Variants in MAML1 observed in about 807,000 individuals in gnomAD.
MAML1 encodes the protein mastermind like transcriptional coactivator 1, also known as mastermind-like protein 1.
A neutral mutation model predicts 77.1 loss-of-function variants in MAML1; 14 were observed. The ratio of observed to expected loss-of-function variants is 0.18; its 90% CI spans 0.12 to 0.28. The LOEUF (loss-of-function observed/expected upper bound fraction) is 0.28, where lower values mean the gene tolerates loss of function less well. Among genes scored for constraint, MAML1 ranks in the 10% least tolerant of loss-of-function variants. MAML1 has a pLI of 1.00. For synonymous variants in MAML1, 516 were observed against 551.9 expected (o/e 0.93, Z 0.91); for missense variants, 1,217 against 1,327.8 (o/e 0.92, Z 1.30).
chr5:179,733,394 C>A lies in MAML1; in HGVS notation c.282C>A (p.Ala94=). 8.5e-7 allele frequency: 1 copy of A among 1,171,860 alleles called. No homozygotes were observed. The allele number at this position is 1,171,860 out of a possible 1,614,324, so 72.6% of individuals were successfully genotyped here. A position where few individuals can be genotyped will look rare whatever the true frequency, so the allele number is the denominator to read the frequency against. The change falls in exon 1 of 5, where the codon GCC becomes GCA. Residue 94 remains alanine, a synonymous_variant. Transcript: ENST00000292599. Reference sequence around the variant, plus strand: ...CCGCCCCGGCCCCGCGCCTGGACGCCGCTGACGGCCCCGAGCACGGCCGCC... The same window carrying A: ...CCGCCCCGGCCCCGCGCCTGGACGCAGCTGACGGCCCCGAGCACGGCCGCC... ...APAAPAPRLD[A]ADGPEHGRPA...
At chr5:179,733,455 C>CGTGG in intron 1 of MAML1, 28 bp downstream of exon 1, 1 of 1,088,970 alleles carries the variant, frequency 9.2e-7, no homozygotes, top group Non-Finnish European at 1.1e-6. Flanking sequence ...AGGCGCTTGT[C>CGTGG]GTGGCGGCAG....
chr5:179,737,681 C>A (rs934576830), intron 1 of MAML1, among the ~76,000 whole-genome samples: 1 of 133,080 alleles, frequency 7.5e-6, no homozygotes, highest in African/African-American at 2.6e-5. Context: ...TTATTGTTTT[C>A]TTAGGATATC....
intron 1 of MAML1, among the ~76,000 whole-genome samples, chr5:179,743,363 G>A (rs1333461204): frequency 1.9e-5 from 2 of 106,644 alleles, no homozygotes; most frequent in Admixed American, 1.0e-4. Context: ...CCTGCCCCAC[G>A]CTTTTTTTTT....
Position 179,776,309 on chromosome 5 carries a change from ATG to A in MAML1, c.*1435_*1436del, listed in dbSNP as rs1029867740. On this transcript the variant is annotated 3_prime_UTR_variant, in exon 5 of 5. Coordinates refer to ENST00000292599, the MANE Select transcript of MAML1 (RefSeq NM_014757.5). ...CCAATGGATCATTCAGGAGTGTCCTATGTGAGAATTGAGCCAAGGAAAATACT... is the reference window on the plus strand; with the variant it reads ...CCAATGGATCATTCAGGAGTGTCCTATGAGAATTGAGCCAAGGAAAATACT... 3.0e-6 allele frequency: 3 copies of A among 985,748 alleles called. No individual in the cohort carries two copies. The highest frequency in any genetic ancestry group is 3.6e-6 in the Non-Finnish European group (3 of 829,948). The allele number at this position is 985,748 out of a possible 1,614,324, so 61.1% of individuals were successfully genotyped here.
chr5:179,749,549 C>G (rs1779446772), intron 1 of MAML1, among the ~76,000 whole-genome samples: 1 of 152,200 alleles, frequency 6.6e-6, no homozygotes. Flanking sequence ...GCCTGAGCCA[C>G]TGTGCCTGGC....
At position 179,774,776 on chromosome 5, in the gene MAML1, T is replaced by C. The variant is rs748883967; in HGVS notation, c.2950T>C (p.Ser984Pro). 5 of 1,613,630 alleles carry C rather than the reference T, an allele frequency of 3.1e-6. No individual in the cohort carries two copies. The African/African-American group carries it at 4.0e-5, about 13-fold the overall frequency. Residue 984 changes from serine (S) to proline (P), a missense_variant, in exon 5 of 5, where the codon TCT (serine) becomes CCT (proline). Physicochemically the swap from Ser to Pro is moderately conservative, Grantham distance 74 (BLOSUM62 -1). Coordinates refer to ENST00000292599, the MANE Select transcript of MAML1 (RefSeq NM_014757.5). ...CGGGCAGCCAGGTGGCAGTGGGCTC[T>C]CTAGTGTGGCTGGACACACCGATCT... ...YSGQPGGSGL[S>P]SVAGHTDLID...
At chr5:179,765,296 T>A in intron 1 of MAML1, 30 bp from the exon 2 acceptor site, 1 of 1,548,680 alleles carries the variant, frequency 6.5e-7, no homozygotes, top group Non-Finnish European at 8.7e-7. Flanking sequence ...TTCATATGTA[T>A]CTTAAGTCAT....
chr5:179,733,112 C>G lies in MAML1; in HGVS notation c.-1C>G. On this transcript the variant is annotated 5_prime_UTR_variant, in exon 1 of 5. Transcript: ENST00000292599. ...GGCCCGGCCCGTGCAGCCCGCGGCC[C>G]ATGGTGCTGCCCACCTGCCCCATGG... 2 of 1,407,214 alleles carry G rather than the reference C, an allele frequency of 1.4e-6. No homozygotes were observed. Among genetic ancestry groups the G allele is most frequent in the Non-Finnish European group, 1.8e-6 (2 of 1,082,232 alleles). The allele number at this position is 1,407,214 out of a possible 1,614,324, so 87.2% of individuals were successfully genotyped here.
At chr5:179,747,170 T>G (rs1779398208) in intron 1 of MAML1, among the ~76,000 whole-genome samples, 3 of 152,200 alleles carry the variant, frequency 2.0e-5, no homozygotes, top group Non-Finnish European at 2.9e-5. Flanking sequence ...ACACTTTTAA[T>G]TAGTGTGTTT....
intron 1 of MAML1, among the ~76,000 whole-genome samples, chr5:179,736,804 A>G (rs1779179108): frequency 6.6e-6 from 1 of 151,844 alleles, no homozygotes; most frequent in African/African-American, 2.4e-5. Context: ...TCTACTAAAA[A>G]TACAAAAATT....
At chr5:179,742,875 A>G (rs1412213919) in intron 1 of MAML1, among the ~76,000 whole-genome samples, 3 of 152,154 alleles carry the variant, frequency 2.0e-5, no homozygotes, top group African/African-American at 7.2e-5. Context: ...AGCTCTTATC[A>G]GGTGGTATTT....
chr5:179,744,224 G>C (rs1444722139), intron 1 of MAML1, among the ~76,000 whole-genome samples: 1 of 151,984 alleles, frequency 6.6e-6, no homozygotes, highest in African/African-American at 2.4e-5. Flanking sequence ...TTGCTCTGTT[G>C]CCCAGGCTGG....
At position 179,776,173 on chromosome 5, in the gene MAML1, G is replaced by A. The variant is rs1184272033; in HGVS notation, c.*1296G>A. 1.0e-6 allele frequency: 1 copy of A among 985,816 alleles called. No homozygotes were observed. Among genetic ancestry groups the A allele is most frequent in the Non-Finnish European group, 1.2e-6 (1 of 829,958 alleles). 61.1% of individuals were successfully genotyped at this position (985,816 alleles called of 1,614,324 possible). A position where few individuals can be genotyped will look rare whatever the true frequency, so the allele number is the denominator to read the frequency against. On this transcript the variant is annotated 3_prime_UTR_variant, in exon 5 of 5. Coordinates refer to ENST00000292599, the MANE Select transcript of MAML1 (RefSeq NM_014757.5). ...GAAAGCAAAGTGGTAAGCACAGGGTGAGACCCTTTTACACAGAATGGTGGA... is the reference window on the plus strand; with the variant it reads ...GAAAGCAAAGTGGTAAGCACAGGGTAAGACCCTTTTACACAGAATGGTGGA...
chr5:179,763,478 CTTAG>C (rs1266057263), intron 1 of MAML1, among the ~76,000 whole-genome samples: 1 of 150,128 alleles, frequency 6.7e-6, no homozygotes, highest in Non-Finnish European at 1.5e-5. Context: ...TTCAGACCGA[CTTAG>C]TTACCCATAT....
intron 1 of MAML1, among the ~76,000 whole-genome samples, chr5:179,736,330 G>A (rs1779170786): frequency 6.6e-6 from 1 of 151,938 alleles, no homozygotes; most frequent in Non-Finnish European, 1.5e-5. Context: ...TTGGCTCACT[G>A]CAACCTCCGC....
intron 1 of MAML1, among the ~76,000 whole-genome samples, chr5:179,739,554 T>C (rs1161821781): frequency 6.6e-6 from 1 of 152,196 alleles, no homozygotes; most frequent in African/African-American, 2.4e-5. Flanking sequence ...CATGGTGGCA[T>C]GCATCTGTAT....
At chr5:179,765,266 T>G in intron 1 of MAML1, 60 bp from the exon 2 acceptor site, 1 of 1,438,682 alleles carries the variant, frequency 7.0e-7, no homozygotes, top group South Asian at 1.3e-5. Context: ...CTTGGCTTGT[T>G]ACTGTCATAG....
chr5:179,732,999 G>A lies in MAML1; in HGVS notation c.-114G>A, dbSNP rs1222166038. 4 of 594,588 alleles carry A rather than the reference G, an allele frequency of 6.7e-6. No homozygotes were observed. Among genetic ancestry groups the A allele is most frequent in the Non-Finnish European group, 9.5e-6 (4 of 423,014 alleles). The allele number at this position is 594,588 out of a possible 1,614,324, so 36.8% of individuals were successfully genotyped here. On this transcript the variant is annotated 5_prime_UTR_variant, in exon 1 of 5. Coordinates refer to ENST00000292599, the MANE Select transcript of MAML1 (RefSeq NM_014757.5). The stretch of plus-strand genomic sequence containing the variant: ...CGCGCGAGCCCGCTCCGCTGCCCTC[G>A]GGGGCATGGCGCGGCCGTGAGGCGG...
chr5:179,752,338 AAAAAAAAAAAAAATAT>A (rs1779507526), intron 1 of MAML1, among the ~76,000 whole-genome samples: 1 of 50,332 alleles, frequency 2.0e-5, no homozygotes, highest in African/African-American at 5.1e-5. Flanking sequence ...AAAAAAAAAA[AAAAAAAAAAAAAATAT>A]ATATATATAT....
Sources: gnomAD v4.1 joint callset for allele counts (sites outside exome capture counted in the v4.1 genomes callset) on GRCh38, gnomAD v4.1.1 for gene constraint, MANE v1.5 for transcripts, NCBI Gene and HGNC (gene_info 2026-07-23, HGNC 2026-07-21) for gene names.